KRT78: variants seen among roughly 807,000 people sequenced by gnomAD.
The protein encoded by KRT78 is keratin 78.
A neutral mutation model predicts 51.4 loss-of-function variants in KRT78; 55 were observed. That is an observed-to-expected ratio of 1.07 (90% CI 0.86 to 1.34). The LOEUF (loss-of-function observed/expected upper bound fraction) is 1.34, where lower values mean the gene tolerates loss of function less well. KRT78 is among the 40% of genes most tolerant of loss of function. The pLI is 0.00. For missense variants in KRT78, 652 were observed against 649.4 expected (o/e 1.00, Z -0.04); for synonymous variants, 291 against 264.3 (o/e 1.10, Z -0.98).
At position 52,839,475 on chromosome 12, in the gene KRT78, C is replaced by T. The variant is rs755830810; in HGVS notation, c.1281G>A (p.Glu427=). 6.2e-7 allele frequency: 1 copy of T among 1,601,968 alleles called. No individual in the cohort carries two copies. Among genetic ancestry groups the T allele is most frequent in the South Asian group, 1.1e-5 (1 of 89,036 alleles). The part of the protein sequence containing the change: ...LEGEECRMSG[E]CTSQVTISSV... ...CACAGATAGTGACCTGGCTGGTGCA[C>T]TCCCCAGACATCCTAGGGGGAAAAG... is the stretch of plus-strand genomic sequence containing the variant. The change falls in exon 8 of 9, where the codon GAG becomes GAA. Residue 427 remains glutamate, a synonymous_variant. Transcript: ENST00000304620.
chr12:52,846,634 G>T, intron 3 of KRT78, 130 bp downstream of exon 3: 1 of 852,268 alleles, frequency 1.2e-6, no homozygotes, highest in Non-Finnish European at 1.9e-6. Context: ...TTTTCCCAGG[G>T]GACCCCTGCA....
In KRT78 at chr12:52,839,821, A is replaced by C; in HGVS notation, c.1211T>G (p.Leu404Arg). ...AGTGGCAATCTCCACATCCAGGGAA[A>C]GCTTCGTGCTCGTCAGCTCCTGGTA... is the stretch of plus-strand genomic sequence containing the variant. ...CEYQELTSTK[L>R]SLDVEIATYR... The change falls in exon 7 of 9, where the codon CTT becomes CGT. Residue 404 changes from leucine to arginine, a missense_variant. Physicochemically the swap from Leu to Arg is moderately radical, Grantham distance 102. Transcript: ENST00000304620. 1 of 1,613,996 alleles carries C rather than the reference A, an allele frequency of 6.2e-7. No individual in the cohort carries two copies. Among genetic ancestry groups the C allele is most frequent in the Non-Finnish European group, 8.5e-7 (1 of 1,180,010 alleles).
chr12:52,840,432 G>T (rs1388667572), intron 6 of KRT78, among the ~76,000 whole-genome samples: 1 of 152,090 alleles, frequency 6.6e-6, no homozygotes, highest in Non-Finnish European at 1.5e-5. Flanking sequence ...GCTGGGCATG[G>T]TGGCTCACGC....
Position 52,838,916 on chromosome 12 carries a change from G to A in KRT78, c.*197C>T, listed in dbSNP as rs1940406727. 2 of 642,770 alleles carry A rather than the reference G, an allele frequency of 3.1e-6. No individual in the cohort carries two copies. Among genetic ancestry groups the A allele is most frequent in the Non-Finnish European group, 5.3e-6 (2 of 377,034 alleles). The allele number at this position is 642,770 out of a possible 1,614,324, so 39.8% of individuals were successfully genotyped here. On this transcript the variant is annotated 3_prime_UTR_variant, in exon 9 of 9. Transcript: ENST00000304620. ...GGAGAGGAAGCTGGGGAGCCACACA[G>A]CTTTTGTTTTGCTGGGTGAGGTGTG...
chr12:52,838,374 GGATAA>G lies in KRT78; in HGVS notation c.*734_*738del, dbSNP rs1940394826. On this transcript the variant is annotated 3_prime_UTR_variant, in exon 9 of 9. Coordinates refer to ENST00000304620, the MANE Select transcript of KRT78 (RefSeq NM_173352.4). ...CAGCCTCATGTTCACACTTGCCCAA[GGATAA>G]GATGAGAGCCAACAGATAAGGGGGT... The G allele has an allele frequency of 6.6e-6, 1 of 152,308 alleles. No individual in the cohort carries two copies. The highest frequency in any genetic ancestry group is 2.4e-5 in the African/African-American group (1 of 41,420). 9.4% of individuals were successfully genotyped at this position (152,308 alleles called of 1,614,324 possible).
At chr12:52,845,399 C>T (rs539328301) in intron 4 of KRT78, among the ~76,000 whole-genome samples, 218 of 152,298 alleles carry the variant, frequency 1.4e-3, no homozygotes, top group Non-Finnish European at 2.8e-3. Context: ...CACACTCCCG[C>T]TGTGGGCTGC....
In KRT78 at chr12:52,846,280, C is replaced by T. The variant is rs911267505; in HGVS notation, c.673G>A (p.Val225Ile). 3 of 1,611,230 alleles carry T rather than the reference C, an allele frequency of 1.9e-6. No individual in the cohort carries two copies. Among genetic ancestry groups the T allele is most frequent in the Non-Finnish European group, 2.5e-6 (3 of 1,177,544 alleles). Residue 225 changes from valine (V) to isoleucine (I), a missense_variant, in exon 4 of 9, where the codon GTT becomes ATT. Physicochemically the swap from Val to Ile is conservative, Grantham distance 29 (BLOSUM62 3). Coordinates refer to ENST00000304620, the MANE Select transcript of KRT78 (RefSeq NM_173352.4). ...TCCAACTCCATCTTGCTCAGGAAAACCCCATCCACATCCTGGAGACAAGGG... is the reference window on the plus strand; with the variant it reads ...TCCAACTCCATCTTGCTCAGGAAAATCCCATCCACATCCTGGAGACAAGGG... ...FVVLKKDVDGVFLSKMELEGK... is the reference protein window; with the variant it reads ...FVVLKKDVDGIFLSKMELEGK...
intron 7 of KRT78, 69 bp from the exon 8 acceptor site, chr12:52,839,556 T>G: frequency 3.4e-6 from 5 of 1,466,718 alleles, no homozygotes; most frequent in Non-Finnish European, 4.6e-6. Context: ...CACGAGCTTT[T>G]AAGCCCCTCA....
chr12:52,841,025 A>G (rs1940484188), intron 6 of KRT78, among the ~76,000 whole-genome samples: 1 of 151,882 alleles, frequency 6.6e-6, no homozygotes, highest in Non-Finnish European at 1.5e-5. Context: ...AGCCCTCGGC[A>G]CCTCTCCCAG....
rs755440964 is a variant in KRT78, at chr12:52,844,540, GC to G, written c.921+18del. The G allele has an allele frequency of 2.1e-5, 33 of 1,606,624 alleles. No homozygotes were observed. The East Asian group carries it at 6.9e-4, about 34-fold the overall frequency. ...ACCTAGCCATTTCCAGCATGGTGCT[GC>G]CCCCCAGGTCCCACCACCTTGGTCT... On this transcript the variant is annotated intron_variant, in intron 5 of 8. Coordinates refer to ENST00000304620, the MANE Select transcript of KRT78 (RefSeq NM_173352.4).
At chr12:52,848,176 C>G in intron 1 of KRT78, 55 bp from the exon 2 acceptor site, 2 of 1,590,196 alleles carry the variant, frequency 1.3e-6, no homozygotes, top group Non-Finnish European at 1.7e-6. Context: ...TGTGCACAGC[C>G]TCTGGAAAGT....
At chr12:52,843,488 G>C (rs1277635712) in intron 6 of KRT78, among the ~76,000 whole-genome samples, 1 of 151,030 alleles carries the variant, frequency 6.6e-6, no homozygotes, top group Non-Finnish European at 1.5e-5. Flanking sequence ...TCAGGAGTTT[G>C]AGACCAGCCT....
In KRT78 at chr12:52,842,959, G is replaced by GGAAGGA. The variant is rs1555182925; in HGVS notation, c.1047+1133_1047+1134insTCCTTC. Among the ~76,000 whole-genome samples, 40 of 53,758 alleles carry GGAAGGA rather than the reference G, an allele frequency of 7.4e-4. 1 individual carries two copies. The highest frequency in any genetic ancestry group is 4.0e-3 in the African/African-American group (35 of 8,654). The allele number at this position is 53,758 out of a possible 152,430, so 35.3% of individuals were successfully genotyped here. Reference sequence around the variant, plus strand: ...AGAAAGAGAGAGAGAGAGAGAGAGAGAGGAAGGAAGGAAGGAAGGAAGGAA... The same window carrying GGAAGGA: ...AGAAAGAGAGAGAGAGAGAGAGAGAGGAAGGAAGGAAGGAAGGAAGGAAGGAAGGAA... On this transcript the variant is annotated intron_variant, in intron 6 of 8. Coordinates refer to ENST00000304620, the MANE Select transcript of KRT78 (RefSeq NM_173352.4).
At position 52,848,902 on chromosome 12, in the gene KRT78, C is replaced by G; in HGVS notation, c.29G>C (p.Arg10Thr). MSLSPCRAQ[R>T]GFSARSACSA... ...ACAGGCTGAGCGAGCGCTGAAGCCC[C>G]TCTGGGCCCGGCATGGGGAGAGAGA... The change falls in exon 1 of 9, where the codon AGG becomes ACG. Residue 10 changes from arginine to threonine, a missense_variant. Coordinates refer to ENST00000304620, the MANE Select transcript of KRT78 (RefSeq NM_173352.4). 1 of 1,580,482 alleles carries G rather than the reference C, an allele frequency of 6.3e-7. No individual in the cohort carries two copies. The highest frequency in any genetic ancestry group is 8.6e-7 in the Non-Finnish European group (1 of 1,164,706).
intron 2 of KRT78, 82 bp downstream of exon 2, chr12:52,847,825 G>A: frequency 8.0e-7 from 1 of 1,246,408 alleles, no homozygotes; most frequent in Admixed American, 1.7e-5. Flanking sequence ...CTCAGTATGT[G>A]GGACACCTCC....
Position 52,844,542 on chromosome 12 carries a change from C to T in KRT78, c.921+17G>A, listed in dbSNP as rs117858570. ...CTAGCCATTTCCAGCATGGTGCTGCCCCCCAGGTCCCACCACCTTGGTCTG... is the reference window on the plus strand; with the variant it reads ...CTAGCCATTTCCAGCATGGTGCTGCTCCCCAGGTCCCACCACCTTGGTCTG... On this transcript the variant is annotated intron_variant, in intron 5 of 8. Coordinates refer to ENST00000304620, the MANE Select transcript of KRT78 (RefSeq NM_173352.4). The T allele has an allele frequency of 1.1e-3, 1,703 of 1,607,502 alleles. 1 individual carries two copies. Among genetic ancestry groups the T allele is most frequent in the Non-Finnish European group, 1.2e-3 (1,452 of 1,176,606 alleles).
chr12:52,844,200 A>G lies in KRT78; in HGVS notation c.940T>C (p.Ser314Pro), dbSNP rs1030717675. ...YQTKYQELQV[S>P]AQLHGDRMQE... ...ATCCTGTCCCCATGAAGCTGGGCAGACACCTGAAGTTCCTGGTACTGAGAG... is the reference window on the plus strand; with the variant it reads ...ATCCTGTCCCCATGAAGCTGGGCAGGCACCTGAAGTTCCTGGTACTGAGAG... Residue 314 changes from serine (S) to proline (P), a missense_variant, in exon 6 of 9, where the codon TCT becomes CCT. Ser to Pro is a moderately conservative substitution (Grantham distance 74). Transcript: ENST00000304620. 1 of 1,603,624 alleles carries G rather than the reference A, an allele frequency of 6.2e-7. No homozygotes were observed. Among genetic ancestry groups the G allele is most frequent in the Non-Finnish European group, 8.5e-7 (1 of 1,177,450 alleles).
chr12:52,843,729 G>A (rs35900607), intron 6 of KRT78, among the ~76,000 whole-genome samples: 9,066 of 150,630 alleles, frequency 0.06, 347 homozygotes, highest in Non-Finnish European at 0.096. Flanking sequence ...AAAAGAAAAG[G>A]AAAAGATAAG....
rs933542188 is a variant in KRT78 at position 52,844,619 on chromosome 12, G to A, written c.861C>T (p.Ala287=). 1 of 1,614,150 alleles carries A rather than the reference G, an allele frequency of 6.2e-7. No individual in the cohort carries two copies. The change falls in exon 5 of 9, where the codon GCC becomes GCT. Residue 287 remains alanine (A), a synonymous_variant. Transcript: ENST00000304620. ...TGCTCCGGGCGATCTCCTCGTACCG[G>A]GCGCGGACCTCAGTGATGATGCTGC... ...DFSSIITEVR[A]RYEEIARSSK... is the part of the protein sequence containing the mutation.
Sources: allele counts gnomAD v4.1 joint callset (sites outside exome capture counted in the v4.1 genomes callset), GRCh38; gene constraint gnomAD v4.1.1; transcripts MANE v1.5; gene names NCBI Gene and HGNC (gene_info 2026-07-23, HGNC 2026-07-21).